The following LHFPL3 variants were observed in gnomAD, a reference collection of about 807,000 sequenced individuals.
The protein encoded by LHFPL3 is LHFPL tetraspan subfamily member 3.
In LHFPL3, 5 loss-of-function variants were observed where a neutral mutation model predicts 19.3. That is an observed-to-expected ratio of 0.26 (90% CI 0.14 to 0.54). The LOEUF (loss-of-function observed/expected upper bound fraction) is 0.54. Ranked by LOEUF, LHFPL3 falls within the 20% of genes least tolerant of loss-of-function variation. The probability of loss-of-function intolerance (pLI) is 0.94; values close to 1 mark genes in which losing one functional copy is unlikely to be tolerated. For synonymous variants in LHFPL3, 133 were observed against 126.2 expected, an observed-to-expected ratio of 1.05 and a Z score of -0.36; for missense variants, 249 against 307.4, an observed-to-expected ratio of 0.81 and a Z score of 1.42.
chr7:104,817,337 G>C (rs1790574155), intron 2 of LHFPL3, among the ~76,000 whole-genome samples: 1 of 152,034 alleles, frequency 6.6e-6, no homozygotes, highest in African/African-American at 2.4e-5. Flanking sequence ...GCCCACAAGG[G>C]CCTCCTCCCT....
chr7:104,868,028 A>G (rs1791762558), intron 2 of LHFPL3, among the ~76,000 whole-genome samples: 1 of 148,740 alleles, frequency 6.7e-6, no homozygotes, highest in African/African-American at 2.5e-5. Flanking sequence ...AAATTCAACA[A>G]CCCTTCATGC....
intron 1 of LHFPL3, among the ~76,000 whole-genome samples, chr7:104,333,077 CCCT>C (rs917977543): frequency 1.3e-5 from 2 of 151,932 alleles, no homozygotes; most frequent in African/African-American, 2.4e-5. Flanking sequence ...AATTTTCTTC[CCCT>C]GGGAACCTTA....
intron 1 of LHFPL3, among the ~76,000 whole-genome samples, chr7:104,434,237 A>T (rs1792058565): frequency 6.6e-6 from 1 of 152,234 alleles, no homozygotes; most frequent in Admixed American, 6.5e-5. Context: ...TGATAGAGCT[A>T]GGGCATAAAA....
chr7:104,821,831 T>C (rs981082528), intron 2 of LHFPL3, among the ~76,000 whole-genome samples: 1 of 152,210 alleles, frequency 6.6e-6, no homozygotes, highest in Admixed American at 6.5e-5. Context: ...CTCACTTAGT[T>C]ACAATAAACT....
chr7:104,445,299 C>T (rs887639919), intron 1 of LHFPL3, among the ~76,000 whole-genome samples: 2 of 149,604 alleles, frequency 1.3e-5, no homozygotes, highest in African/African-American at 5.1e-5. Context: ...ACATAAGAGT[C>T]AAGGACATCA....
intron 1 of LHFPL3, among the ~76,000 whole-genome samples, chr7:104,698,965 A>T (rs924149029): frequency 2.0e-5 from 3 of 152,224 alleles, no homozygotes; most frequent in African/African-American, 4.8e-5. Flanking sequence ...CAATAGGAAG[A>T]TGCAAATCAA....
intron 1 of LHFPL3, among the ~76,000 whole-genome samples, chr7:104,661,541 A>C (rs1428776795): frequency 6.6e-6 from 1 of 152,176 alleles, no homozygotes; most frequent in Non-Finnish European, 1.5e-5. Context: ...GAAAAGAAAA[A>C]GATATTTTTA....
chr7:104,805,105 G>T (rs1036434511), intron 2 of LHFPL3, among the ~76,000 whole-genome samples: 1 of 152,172 alleles, frequency 6.6e-6, no homozygotes, highest in Non-Finnish European at 1.5e-5. Context: ...AAGGCCTAGT[G>T]CTTCCTTCTC....
At chr7:104,699,308 A>C (rs1793057603) in intron 1 of LHFPL3, among the ~76,000 whole-genome samples, 1 of 152,250 alleles carries the variant, frequency 6.6e-6, no homozygotes, top group African/African-American at 2.4e-5. Context: ...ATGTATAAGC[A>C]ATATATGGTA....
At chr7:104,602,119 C>A (rs1790984013) in intron 1 of LHFPL3, among the ~76,000 whole-genome samples, 1 of 135,104 alleles carries the variant, frequency 7.4e-6, no homozygotes, top group Non-Finnish European at 1.5e-5. Context: ...CTCCTGGATT[C>A]AAGCAATTCT....
chr7:104,733,538 T>C (rs186361909), intron 1 of LHFPL3, among the ~76,000 whole-genome samples: 2 of 152,350 alleles, frequency 1.3e-5, no homozygotes, highest in Admixed American at 1.3e-4. Flanking sequence ...GAGACTAGGA[T>C]TGCAACCCCT....
chr7:104,335,033 C>T (rs1008949687), intron 1 of LHFPL3, among the ~76,000 whole-genome samples: 3 of 152,180 alleles, frequency 2.0e-5, no homozygotes, highest in African/African-American at 7.2e-5. Flanking sequence ...TCTTCTTGGA[C>T]TCCCATGGAG....
intron 1 of LHFPL3, among the ~76,000 whole-genome samples, chr7:104,549,768 G>C (rs373106722): frequency 6.6e-6 from 1 of 152,272 alleles, no homozygotes; most frequent in East Asian, 1.9e-4. Context: ...ATTATGTTGA[G>C]TGGGCACTGG....
At chr7:104,838,480 C>T (rs1791139661) in intron 2 of LHFPL3, among the ~76,000 whole-genome samples, 1 of 152,196 alleles carries the variant, frequency 6.6e-6, no homozygotes, top group African/African-American at 2.4e-5. Flanking sequence ...TATAAAGACA[C>T]CCAGAATTCC....
At chr7:104,707,392 G>A (rs1487487709) in intron 1 of LHFPL3, among the ~76,000 whole-genome samples, 1 of 152,186 alleles carries the variant, frequency 6.6e-6, no homozygotes, top group African/African-American at 2.4e-5. Context: ...AGTTTGACCT[G>A]CAAAATTGGG....
At chr7:104,860,424 C>T (rs916162703) in intron 2 of LHFPL3, among the ~76,000 whole-genome samples, 4 of 152,100 alleles carry the variant, frequency 2.6e-5, no homozygotes, top group South Asian at 2.1e-4. Context: ...AGCACTTTAC[C>T]GCTAATAAAG....
At chr7:104,363,333 C>T (rs1421518801) in intron 1 of LHFPL3, among the ~76,000 whole-genome samples, 1 of 152,200 alleles carries the variant, frequency 6.6e-6, no homozygotes, top group East Asian at 1.9e-4. Flanking sequence ...AGAATACAGC[C>T]TCTTTCTCTG....
chr7:104,837,110 TAA>T (rs1174344139), intron 2 of LHFPL3, among the ~76,000 whole-genome samples: 1 of 152,324 alleles, frequency 6.6e-6, no homozygotes, highest in East Asian at 1.9e-4. Context: ...GGGTTGTGTT[TAA>T]AGTTTGGCAA....
chr7:104,449,352 T>G (rs1286627971), intron 1 of LHFPL3, among the ~76,000 whole-genome samples: 1 of 152,238 alleles, frequency 6.6e-6, no homozygotes, highest in East Asian at 1.9e-4. Context: ...TGTTTCTTGC[T>G]TCTTCCTTTG....
Sources: gnomAD v4.1 joint callset for allele counts (sites outside exome capture counted in the v4.1 genomes callset) on GRCh38, gnomAD v4.1.1 for gene constraint, MANE v1.5 for transcripts, NCBI Gene and HGNC (gene_info 2026-07-23, HGNC 2026-07-21) for gene names.